SFMBT2: variants seen among roughly 807,000 people sequenced by gnomAD.
SFMBT2 encodes Scm like with four mbt domains 2.
A neutral mutation model predicts 110.1 loss-of-function variants in SFMBT2; 38 were observed. The observed-to-expected ratio is 0.35, with a 90% confidence interval of 0.27 to 0.45. The LOEUF is 0.45. SFMBT2 is among the 20% of genes least tolerant of loss of function. The pLI, the probability that SFMBT2 is intolerant of heterozygous loss-of-function variation, is 1.00. For missense variants in SFMBT2, 1,011 were observed against 1,094.9 expected (o/e 0.92, Z 1.08); for synonymous variants, 425 against 425.4 (o/e 1.00, Z 0.01).
chr10:7,392,984 T>C (rs1354234862), intron 1 of SFMBT2, among the ~76,000 whole-genome samples: 3 of 4,080 alleles, frequency 7.4e-4, no homozygotes, highest in Non-Finnish European at 1.6e-3. Context: ...GTGGATAGAT[T>C]ATATATATAT....
chr10:7,246,718 C>CAAAAAAAAAA (rs397949347), intron 8 of SFMBT2, among the ~76,000 whole-genome samples: 1 of 72,152 alleles, frequency 1.4e-5, no homozygotes, highest in African/African-American at 5.9e-5. Flanking sequence ...GACTCCATCT[C>CAAAAAAAAAA]AAAAAAAAAA....
intron 7 of SFMBT2, among the ~76,000 whole-genome samples, chr10:7,261,443 T>A (rs79565860): frequency 0.064 from 9,701 of 152,240 alleles, 405 homozygotes; most frequent in Admixed American, 0.089. Context: ...TCTCAGAATC[T>A]TCGGATGCTC....
In SFMBT2 at chr10:7,171,998, C is replaced by A. The variant is rs777199910; in HGVS notation, c.2312G>T (p.Arg771Leu). The A allele has an allele frequency of 1.9e-5, 29 of 1,556,806 alleles. No individual in the cohort carries two copies. Among genetic ancestry groups the A allele is most frequent in the South Asian group, 4.7e-5 (4 of 85,742 alleles). ...VTLRSGSEPVRRPPPERTRRG... is the reference protein window; with the variant it reads ...VTLRSGSEPVLRPPPERTRRG... Reference sequence around the variant, plus strand: ...TCGTGTCCTCTCTGGGGGTGGCCGGCGCACGGGCTCTGAGCCGCTCCGCAG... The same window carrying A: ...TCGTGTCCTCTCTGGGGGTGGCCGGAGCACGGGCTCTGAGCCGCTCCGCAG... Residue 771 changes from arginine (R) to leucine (L), a missense_variant, in exon 19 of 21, where the codon CGC becomes CTC. This residue lies in a region of SFMBT2 where 979 missense variants were observed against 1,016.1 expected (regional missense o/e 0.96). Transcript: ENST00000397167. The surrounding 1 kb of genome is among the most constrained non-coding windows in gnomAD (Gnocchi z 4.9).
chr10:7,304,799 G>A (rs1194369442), intron 4 of SFMBT2, among the ~76,000 whole-genome samples: 2 of 152,172 alleles, frequency 1.3e-5, no homozygotes, highest in Non-Finnish European at 2.9e-5. Flanking sequence ...AAACACCACC[G>A]GGTACCAAAG....
At chr10:7,357,599 T>C (rs1440973896) in intron 4 of SFMBT2, among the ~76,000 whole-genome samples, 2 of 152,210 alleles carry the variant, frequency 1.3e-5, no homozygotes, top group Admixed American at 1.3e-4. Flanking sequence ...TTCCTAAACA[T>C]AAAATTTCTT....
chr10:7,303,091 T>C (rs935844252), intron 4 of SFMBT2, among the ~76,000 whole-genome samples: 8 of 152,234 alleles, frequency 5.3e-5, no homozygotes, highest in Non-Finnish European at 8.8e-5. Context: ...CTTTATTTCA[T>C]AACCAGAATG....
intron 9 of SFMBT2, among the ~76,000 whole-genome samples, chr10:7,230,510 A>G (rs572460984): frequency 4.4e-4 from 67 of 152,206 alleles, no homozygotes; most frequent in Non-Finnish European, 8.8e-4. Context: ...TTAACAGGAC[A>G]AAGGGCCTGG....
chr10:7,202,839 T>TG lies in SFMBT2; in HGVS notation c.1445-318_1445-317insC, dbSNP rs1839000809. 1.0e-5 allele frequency: 10 copies of TG among 985,374 alleles called. No individual in the cohort carries two copies. The South Asian group carries it at 3.8e-4, about 37-fold the overall frequency. The allele number at this position is 985,374 out of a possible 1,614,324, so 61.0% of individuals were successfully genotyped here. Reference sequence around the variant, plus strand: ...CCTCACATTAGCACACATGTTCAGATCAATTGTTGCAAGCAGTTATCCGGA... The same window carrying TG: ...CCTCACATTAGCACACATGTTCAGATGCAATTGTTGCAAGCAGTTATCCGGA... On this transcript the variant is annotated intron_variant, in intron 12 of 20. Transcript: ENST00000397167.
intron 7 of SFMBT2, among the ~76,000 whole-genome samples, chr10:7,264,822 A>T (rs1195700274): frequency 6.6e-6 from 1 of 151,930 alleles, no homozygotes; most frequent in East Asian, 1.9e-4. Flanking sequence ...TCTTGGGCTT[A>T]TTCCTCAAGT....
chr10:7,240,681 C>G (rs964276009), intron 9 of SFMBT2, among the ~76,000 whole-genome samples: 1 of 152,154 alleles, frequency 6.6e-6, no homozygotes, highest in Non-Finnish European at 1.5e-5. Flanking sequence ...CCTGTTCCTT[C>G]TCCTTGGGAT....
chr10:7,215,968 A>G (rs1839521248), intron 11 of SFMBT2: 2 of 152,606 alleles, frequency 1.3e-5, no homozygotes, highest in African/African-American at 4.8e-5. Flanking sequence ...GGCTCCTGAG[A>G]ATTTCCTCTT....
chr10:7,230,918 C>T (rs1162410270), intron 9 of SFMBT2, among the ~76,000 whole-genome samples: 1 of 151,982 alleles, frequency 6.6e-6, no homozygotes, highest in East Asian at 1.9e-4. Context: ...GGCAACAGAG[C>T]AAGACTCTGT....
At chr10:7,350,967 G>T (rs1844295578) in intron 4 of SFMBT2, among the ~76,000 whole-genome samples, 1 of 152,196 alleles carries the variant, frequency 6.6e-6, no homozygotes, top group Non-Finnish European at 1.5e-5. Context: ...CTGGTAAAAG[G>T]CATTAGATTG....
chr10:7,181,835 A>AT (rs1405870889), intron 16 of SFMBT2, among the ~76,000 whole-genome samples: 1 of 152,214 alleles, frequency 6.6e-6, no homozygotes, highest in Non-Finnish European at 1.5e-5. Flanking sequence ...TTAAAAAAAA[A>AT]GGAGAGGCAA....
At chr10:7,399,060 C>G (rs150396159) in intron 1 of SFMBT2, among the ~76,000 whole-genome samples, 158 of 152,310 alleles carry the variant, frequency 1.0e-3, no homozygotes, top group African/African-American at 3.5e-3. Flanking sequence ...AGAAGTTATT[C>G]TCCCACTGTC....
At chr10:7,321,510 A>G (rs1383159717) in intron 4 of SFMBT2, among the ~76,000 whole-genome samples, 1 of 152,132 alleles carries the variant, frequency 6.6e-6, no homozygotes, top group African/African-American at 2.4e-5. Flanking sequence ...ATTTATGAGC[A>G]TCTTAACAGT....
intron 10 of SFMBT2, among the ~76,000 whole-genome samples, 165 bp downstream of exon 10, chr10:7,227,690 A>G (rs1839934926): frequency 6.6e-6 from 1 of 152,198 alleles, no homozygotes; most frequent in Non-Finnish European, 1.5e-5. Flanking sequence ...ACCCTAGCAA[A>G]TATACAACCT....
At chr10:7,196,327 C>G (rs913555869) in intron 15 of SFMBT2, among the ~76,000 whole-genome samples, 11 of 152,204 alleles carry the variant, frequency 7.2e-5, no homozygotes, top group African/African-American at 2.7e-4. Context: ...TATCTCCAGC[C>G]TAAGTTCCTA....
chr10:7,187,165 G>A (rs990722471), intron 16 of SFMBT2, among the ~76,000 whole-genome samples: 1 of 152,278 alleles, frequency 6.6e-6, no homozygotes, highest in African/African-American at 2.4e-5. Context: ...AGGCAGGGAA[G>A]GTTTTAATGG....
Sources: allele counts gnomAD v4.1 joint callset (sites outside exome capture counted in the v4.1 genomes callset), GRCh38; gene constraint gnomAD v4.1.1; regional missense constraint gnomAD v4.1.1; non-coding constraint Gnocchi (gnomAD v3.1); transcripts MANE v1.5; gene names NCBI Gene and HGNC (gene_info 2026-07-23, HGNC 2026-07-21).